SCNN1B: variants seen among roughly 807,000 people sequenced by gnomAD.
The protein encoded by SCNN1B is epithelial sodium channel subunit beta.
SCNN1B carries 46 observed loss-of-function variants against 65.3 expected under a neutral mutation model. That is an observed-to-expected ratio of 0.70 (90% confidence interval 0.56 to 0.90). The LOEUF (loss-of-function observed/expected upper bound fraction) is 0.90. Among genes scored for constraint, SCNN1B ranks in the 40% least tolerant of loss-of-function variants. The probability of loss-of-function intolerance (pLI) is 0.00; values close to 1 mark genes in which losing one functional copy is unlikely to be tolerated. For missense variants in SCNN1B, 751 were observed against 830.5 expected (o/e 0.90, Z 1.18); for synonymous variants, 349 against 330.6 (o/e 1.06, Z -0.60).
At chr16:23,332,123 G>A (rs1961824763) in intron 1 of SCNN1B, among the ~76,000 whole-genome samples, 1 of 152,018 alleles carries the variant, frequency 6.6e-6, no homozygotes, top group Admixed American at 6.5e-5. Flanking sequence ...CAACCTCCTG[G>A]GCTCAAATGA....
chr16:23,377,789 C>CT, intron 10 of SCNN1B, among the ~76,000 whole-genome samples: 2 of 100,154 alleles, frequency 2.0e-5, no homozygotes, highest in Non-Finnish European at 4.6e-5. Flanking sequence ...TCCCTCCCTT[C>CT]CTTCTTTCCT....
chr16:23,324,436 C>T (rs2141996621), intron 1 of SCNN1B, among the ~76,000 whole-genome samples: 1 of 152,220 alleles, frequency 6.6e-6, no homozygotes, highest in South Asian at 2.1e-4. Flanking sequence ...CTCCTGGCTT[C>T]AAGCAATCCT....
chr16:23,329,415 C>G (rs1167410471), intron 1 of SCNN1B, among the ~76,000 whole-genome samples: 1 of 152,246 alleles, frequency 6.6e-6, no homozygotes, highest in Non-Finnish European at 1.5e-5. Context: ...TGTATCCAGC[C>G]TGTTTATTTT....
chr16:23,378,575 A>G, intron 10 of SCNN1B, 131 bp from the exon 11 acceptor site: 1 of 801,924 alleles, frequency 1.2e-6, no homozygotes, highest in Non-Finnish European at 2.2e-6. Context: ...CCTGCTCCTC[A>G]TCCAAATTGT....
intron 6 of SCNN1B, 140 bp downstream of exon 6, chr16:23,371,602 C>G: frequency 2.8e-6 from 3 of 1,078,030 alleles, no homozygotes; most frequent in Non-Finnish European, 4.1e-6. Flanking sequence ...GGAATCCCCC[C>G]AGGGTGGCCC....
In SCNN1B at chr16:23,302,675, C is replaced by G. The variant is rs72652279; in HGVS notation, c.-9+238C>G. On this transcript the variant is annotated intron_variant, in intron 1 of 12. Coordinates refer to ENST00000343070, the MANE Select transcript of SCNN1B (RefSeq NM_000336.3). ...AAGCCCCCAGGGTGCAGAAGGCAGA[C>G]GGGGCCAGGGTCCCCGGCGTGTCTG... 0.061 allele frequency among the ~76,000 whole-genome samples: 9,205 copies of G among 152,134 alleles called. 963 individuals are homozygous for G. The highest frequency in any genetic ancestry group is 0.21 in the African/African-American group (8,720 of 41,480).
intron 2 of SCNN1B, among the ~76,000 whole-genome samples, chr16:23,291,643 T>C (rs1960926500): frequency 6.6e-6 from 1 of 151,834 alleles, no homozygotes; most frequent in South Asian, 2.1e-4. Context: ...GGTGAGATAA[T>C]GGCTCACTGC....
At chr16:23,285,629 T>G (rs191136110) in intron 2 of SCNN1B, among the ~76,000 whole-genome samples, 3 of 151,692 alleles carry the variant, frequency 2.0e-5, no homozygotes, top group African/African-American at 7.3e-5. Flanking sequence ...TACAGAAAAT[T>G]TTTAATTAGC....
Position 23,338,176 on chromosome 16 carries a change from A to T in SCNN1B, c.-8-10416A>T, listed in dbSNP as rs569931764. Among the ~76,000 whole-genome samples the T allele has an allele frequency of 2.0e-5, 3 of 152,370 alleles. No individual in the cohort carries two copies. The East Asian group carries it at 5.8e-4, about 29-fold the overall frequency. On this transcript the variant is annotated intron_variant, in intron 1 of 12. Transcript: ENST00000343070. Reference sequence around the variant, plus strand: ...GAAGCCCTGGTTCTTTTAGTCAAAAATGGTATTTAGAGACCAAAATCTTGG... The same window carrying T: ...GAAGCCCTGGTTCTTTTAGTCAAAATTGGTATTTAGAGACCAAAATCTTGG...
chr16:23,379,026 T>C (rs1596891649), intron 11 of SCNN1B, among the ~76,000 whole-genome samples: 1 of 138,928 alleles, frequency 7.2e-6, no homozygotes, highest in African/African-American at 2.9e-5. Context: ...TCCTCCATCA[T>C]CCACCCACGC....
At chr16:23,319,781 T>A (rs1567295820) in intron 1 of SCNN1B, among the ~76,000 whole-genome samples, 1 of 152,140 alleles carries the variant, frequency 6.6e-6, no homozygotes, top group South Asian at 2.1e-4. Flanking sequence ...TTTTGTTTTT[T>A]TTTTGACACA....
At chr16:23,343,441 A>G (rs1962094609) in intron 1 of SCNN1B, among the ~76,000 whole-genome samples, 1 of 147,828 alleles carries the variant, frequency 6.8e-6, no homozygotes, top group Admixed American at 6.8e-5. Flanking sequence ...AACAAGAGCA[A>G]AAGTTTGCCA....
At chr16:23,324,894 C>T (rs569544070) in intron 1 of SCNN1B, among the ~76,000 whole-genome samples, 1 of 152,064 alleles carries the variant, frequency 6.6e-6, no homozygotes, top group Non-Finnish European at 1.5e-5. Flanking sequence ...ACCATTGGCA[C>T]CCCCCCAAGT....
At chr16:23,295,332 C>T (rs374877385) in intron 2 of SCNN1B, among the ~76,000 whole-genome samples, 120 of 151,858 alleles carry the variant, frequency 7.9e-4, no homozygotes, top group South Asian at 1.2e-3. Context: ...AATCCTCCCA[C>T]CTCAGCTTTC....
chr16:23,315,251 C>T (rs560881874), intron 1 of SCNN1B, among the ~76,000 whole-genome samples: 111 of 152,094 alleles, frequency 7.3e-4, no homozygotes, highest in African/African-American at 2.6e-3. Context: ...GCAGGAGAAT[C>T]GCTTGAACCT....
intron 1 of SCNN1B, among the ~76,000 whole-genome samples, chr16:23,322,226 T>C (rs1050189912): frequency 1.3e-5 from 2 of 152,144 alleles, no homozygotes; most frequent in Non-Finnish European, 1.5e-5. Context: ...GTGCCAGCCA[T>C]TGATCTAGGT....
At chr16:23,286,753 G>A (rs1045212967) in intron 2 of SCNN1B, among the ~76,000 whole-genome samples, 2 of 152,094 alleles carry the variant, frequency 1.3e-5, no homozygotes, top group African/African-American at 2.4e-5. Context: ...GAGAGAGAAC[G>A]GGAAGGGAAG....
intron 7 of SCNN1B, among the ~76,000 whole-genome samples, chr16:23,374,432 G>A (rs1962849239): frequency 6.6e-6 from 1 of 151,292 alleles, no homozygotes; most frequent in Non-Finnish European, 1.5e-5. Context: ...AAATCAGCCG[G>A]GGGTGGTGGT....
upstream of SCNN1B, among the ~76,000 whole-genome samples, chr16:23,297,991 T>G (rs79806845): frequency 0.034 from 5,201 of 152,286 alleles, 284 homozygotes; most frequent in African/African-American, 0.12. Context: ...TAAAGGGTAA[T>G]ATGGCTTCAA....
Sources: gnomAD v4.1 joint callset for allele counts (sites outside exome capture counted in the v4.1 genomes callset) on GRCh38, gnomAD v4.1.1 for gene constraint, MANE v1.5 for transcripts, NCBI Gene and HGNC (gene_info 2026-07-23, HGNC 2026-07-21) for gene names.